ESRRB: variants seen among roughly 807,000 people sequenced by gnomAD.
The protein encoded by ESRRB is estrogen related receptor beta.
ESRRB carries 16 observed loss-of-function variants against 46.0 expected under a neutral mutation model. The ratio of observed to expected loss-of-function variants is 0.35; its 90% CI spans 0.24 to 0.53. The LOEUF (loss-of-function observed/expected upper bound fraction) is 0.53. ESRRB is among the 20% of genes least tolerant of loss of function. The probability of loss-of-function intolerance (pLI) is 0.93; values close to 1 mark genes in which losing one functional copy is unlikely to be tolerated. For missense variants in ESRRB, 488 were observed against 607.4 expected, an observed-to-expected ratio of 0.80 and a Z score of 2.07; for synonymous variants, 246 against 259.6, an observed-to-expected ratio of 0.95 and a Z score of 0.50.
chr14:76,434,665 A>T (rs1007749656), intron 1 of ESRRB, among the ~76,000 whole-genome samples: 1 of 151,864 alleles, frequency 6.6e-6, no homozygotes, highest in African/African-American at 2.4e-5. Context: ...GTCTCAAAAA[A>T]AAAAAAGAAA....
chr14:76,380,351 C>A (rs559048338), intron 1 of ESRRB, among the ~76,000 whole-genome samples: 5 of 152,106 alleles, frequency 3.3e-5, no homozygotes, highest in African/African-American at 1.2e-4. Flanking sequence ...AGACAGAATT[C>A]GAAGACAGTA....
chr14:76,427,400 G>C (rs1002780916), intron 1 of ESRRB, among the ~76,000 whole-genome samples: 2 of 152,072 alleles, frequency 1.3e-5, no homozygotes, highest in African/African-American at 4.8e-5. Context: ...CAGAAAGACA[G>C]GCAATGTATG....
rs1295431238 is a variant in ESRRB, at chr14:76,469,939, TTTTTC to T, written c.577+7283_577+7287del. 1.4e-3 allele frequency among the ~76,000 whole-genome samples: 174 copies of T among 121,824 alleles called. 8 individuals carry two copies. Among genetic ancestry groups the T allele is most frequent in the Middle Eastern group, 4.8e-3 (1 of 208 alleles). 79.9% of individuals were successfully genotyped at this position (121,824 alleles called of 152,430 possible). A position where few individuals can be genotyped will look rare whatever the true frequency, so the allele number is the denominator to read the frequency against. ...GCTGTGTTTTTTGTTGTTTTTTTTT[TTTTTC>T]TTTTTTTTTTTTTTTTTTTTTGAGA... On this transcript the variant is annotated intron_variant, in intron 3 of 6. Transcript: ENST00000644823.
chr14:76,460,300 G>T (rs1566597760), intron 2 of ESRRB, among the ~76,000 whole-genome samples: 2 of 152,190 alleles, frequency 1.3e-5, no homozygotes, highest in Non-Finnish European at 2.9e-5. Context: ...CTCCTTGTGA[G>T]ATACAGGGTG....
At chr14:76,447,915 C>T (rs976815635) in intron 2 of ESRRB, among the ~76,000 whole-genome samples, 8 of 152,188 alleles carry the variant, frequency 5.3e-5, no homozygotes, top group African/African-American at 9.7e-5. Flanking sequence ...GACCATGTCT[C>T]CCTTCTTTCT....
At chr14:76,491,076 G>T (rs1281329746) in intron 5 of ESRRB, among the ~76,000 whole-genome samples, 2 of 152,208 alleles carry the variant, frequency 1.3e-5, no homozygotes, top group African/African-American at 2.4e-5. Context: ...AGCACGTACT[G>T]CTGCCTCCTG....
rs1890623103 is a variant in ESRRB, at chr14:76,500,520, C to G, written c.*2062C>G. On this transcript the variant is annotated 3_prime_UTR_variant, in exon 7 of 7. Transcript: ENST00000644823. ...GCCCTGAGGTTCTGCTCCGGAGAAACCTTCACAGTAGAGACCTTGGGGTGT... is the reference window on the plus strand; with the variant it reads ...GCCCTGAGGTTCTGCTCCGGAGAAAGCTTCACAGTAGAGACCTTGGGGTGT... The G allele has an allele frequency of 3.0e-6, 2 of 671,980 alleles. No individual in the cohort carries two copies. 41.6% of individuals were successfully genotyped at this position (671,980 alleles called of 1,614,324 possible).
At chr14:76,407,739 A>T in intron 1 of ESRRB, 6 of 281,496 alleles carry the variant, frequency 2.1e-5, no homozygotes, top group Non-Finnish European at 3.2e-5. Flanking sequence ...ATACCACATT[A>T]CTGCCTGGTG....
intron 1 of ESRRB, among the ~76,000 whole-genome samples, chr14:76,331,086 G>A (rs1884008153): frequency 6.6e-6 from 1 of 152,068 alleles, no homozygotes. Flanking sequence ...CCTACCAGAT[G>A]GCCAAAGAGG....
intron 5 of ESRRB, among the ~76,000 whole-genome samples, chr14:76,486,773 C>T (rs989557581): frequency 2.0e-5 from 3 of 152,136 alleles, no homozygotes; most frequent in Non-Finnish European, 2.9e-5. Flanking sequence ...GCAGTGAGCC[C>T]GGCACAGGGA....
At chr14:76,405,616 A>C (rs1252715441) in intron 1 of ESRRB, among the ~76,000 whole-genome samples, 1 of 152,112 alleles carries the variant, frequency 6.6e-6, no homozygotes, top group Non-Finnish European at 1.5e-5. Context: ...AGACAGAAGG[A>C]AAATGGACAA....
chr14:76,378,518 T>C (rs1197933052), intron 1 of ESRRB, among the ~76,000 whole-genome samples: 1 of 152,024 alleles, frequency 6.6e-6, no homozygotes, highest in Non-Finnish European at 1.5e-5. Context: ...AAGAATTAGC[T>C]TGTCCCTCCA....
chr14:76,369,534 A>G (rs539279725), upstream of ESRRB, among the ~76,000 whole-genome samples: 2 of 152,212 alleles, frequency 1.3e-5, no homozygotes, highest in East Asian at 3.9e-4. Context: ...TCGGCCTCCC[A>G]AAATGCTGGG....
rs114046774 is a variant in ESRRB at position 76,391,411 on chromosome 14, C to T, written c.50+14960C>T. On this transcript the variant is annotated intron_variant, in intron 1 of 6. Transcript: ENST00000644823. ...CACAGTTCCCAGCCCAGCCCTTTTC[C>T]GATGGCAAGTGCACTACAAGCCCAC... Among the ~76,000 whole-genome samples the T allele has an allele frequency of 7.0e-3, 1,067 of 152,322 alleles. 16 individuals carry two copies. The highest frequency in any genetic ancestry group is 0.025 in the African/African-American group (1,025 of 41,574).
chr14:76,392,477 A>G lies in ESRRB; in HGVS notation c.50+16026A>G, dbSNP rs1411717880. Among the ~76,000 whole-genome samples the G allele has an allele frequency of 2.0e-5, 3 of 152,206 alleles. No homozygotes were observed. The East Asian group carries it at 5.8e-4, about 29-fold the overall frequency. On this transcript the variant is annotated intron_variant, in intron 1 of 6. Transcript: ENST00000644823. The stretch of plus-strand genomic sequence containing the variant: ...TCCAGAGGAGCTGAGTGACTGCCCA[A>G]GGTGGCGCAGTGGATCCACTTGAAG...
chr14:76,312,847 T>C (rs1187014267), intron 1 of ESRRB, among the ~76,000 whole-genome samples: 1 of 152,142 alleles, frequency 6.6e-6, no homozygotes, highest in Non-Finnish European at 1.5e-5. Flanking sequence ...CTTTCAGATC[T>C]CAATGGCTTT....
chr14:76,440,322 A>C (rs1887867626), intron 2 of ESRRB, among the ~76,000 whole-genome samples: 1 of 152,090 alleles, frequency 6.6e-6, no homozygotes, highest in South Asian at 2.1e-4. Flanking sequence ...TTTTAAATTA[A>C]TGCATGGTGG....
intron 1 of ESRRB, among the ~76,000 whole-genome samples, chr14:76,413,393 C>T (rs371958672): frequency 1.3e-5 from 2 of 152,204 alleles, no homozygotes; most frequent in East Asian, 3.8e-4. Flanking sequence ...TGGCTGTATA[C>T]TGCTGTTCCC....
At chr14:76,447,421 G>T (rs866195210) in intron 2 of ESRRB, among the ~76,000 whole-genome samples, 1 of 151,592 alleles carries the variant, frequency 6.6e-6, no homozygotes, top group African/African-American at 2.4e-5. Context: ...CAGCTTCTGC[G>T]CCCAGCATCT....
Sources: allele counts gnomAD v4.1 joint callset (sites outside exome capture counted in the v4.1 genomes callset), GRCh38; gene constraint gnomAD v4.1.1; transcripts MANE v1.5; gene names NCBI Gene and HGNC (gene_info 2026-07-23, HGNC 2026-07-21).